The following TMTC2 variants were observed in gnomAD, a reference collection of about 807,000 sequenced individuals.
TMTC2 encodes the protein transmembrane O-mannosyltransferase targeting cadherins 2.
TMTC2 carries 43 observed loss-of-function variants against 82.4 expected under a neutral mutation model. The observed-to-expected ratio is 0.52, with a 90% confidence interval of 0.41 to 0.67. TMTC2 has a LOEUF of 0.67. TMTC2 is among the 30% of genes least tolerant of loss of function. TMTC2 has a pLI of 0.00. For missense variants in TMTC2, 919 were observed against 1,012.4 expected (o/e 0.91, Z 1.25); for synonymous variants, 408 against 381.9 (o/e 1.07, Z -0.80).
intron 1 of TMTC2, among the ~76,000 whole-genome samples, chr12:82,853,011 A>T (rs1044307428): frequency 6.6e-6 from 1 of 152,162 alleles, no homozygotes; most frequent in Non-Finnish European, 1.5e-5. Flanking sequence ...TGTTTTTCAC[A>T]TGGATGAGAT....
intron 1 of TMTC2, among the ~76,000 whole-genome samples, chr12:82,800,307 A>T (rs1278130615): frequency 6.6e-6 from 1 of 152,270 alleles, no homozygotes; most frequent in East Asian, 1.9e-4. Flanking sequence ...ATATTGGGAA[A>T]CAGGCCTATT....
intron 4 of TMTC2, among the ~76,000 whole-genome samples, chr12:82,940,098 G>A (rs1306616796): frequency 7.1e-6 from 1 of 140,778 alleles, no homozygotes; most frequent in Non-Finnish European, 1.5e-5. Flanking sequence ...TCGGCTCACA[G>A]CAACCTCCGC....
intron 3 of TMTC2, among the ~76,000 whole-genome samples, chr12:82,924,631 C>A (rs988522831): frequency 3.9e-5 from 6 of 152,114 alleles, no homozygotes; most frequent in Non-Finnish European, 8.8e-5. Context: ...CCTCAGTTAA[C>A]CTTGTTGATG....
At chr12:82,793,465 A>T (rs998226559) in intron 1 of TMTC2, among the ~76,000 whole-genome samples, 1 of 151,556 alleles carries the variant, frequency 6.6e-6, no homozygotes, top group African/African-American at 2.4e-5. Context: ...TTATTTAATT[A>T]ATGTTCATTG....
Position 83,099,512 on chromosome 12 carries a change from T to C in TMTC2, c.2332-32698T>C, listed in dbSNP as rs540177194. Among the ~76,000 whole-genome samples, 6 of 152,370 alleles carry C rather than the reference T, an allele frequency of 3.9e-5. No individual in the cohort carries two copies. The South Asian group carries it at 1.2e-3, about 32-fold the overall frequency. ...ATATATTTTACTTTTTCTTAGAGTT[T>C]AAATTTTTCCAGGATTAGGAAGGAA... On this transcript the variant is annotated intron_variant, in intron 11 of 11. Coordinates refer to ENST00000321196, the MANE Select transcript of TMTC2 (RefSeq NM_152588.3).
At chr12:82,946,881 A>G (rs1299397433) in intron 4 of TMTC2, among the ~76,000 whole-genome samples, 21 of 151,606 alleles carry the variant, frequency 1.4e-4, no homozygotes. Context: ...AGCTGGGACT[A>G]CAGGCGCCCG....
chr12:82,742,421 C>A lies in TMTC2; in HGVS notation c.83+54752C>A, dbSNP rs114409926. On this transcript the variant is annotated intron_variant, in intron 1 of 11. Coordinates refer to ENST00000321196, the MANE Select transcript of TMTC2 (RefSeq NM_152588.3). ...ATTATATGCCACCACTATATGGTAG[C>A]TAGGAACAGGTAGTAACTGTATAGT... Among the ~76,000 whole-genome samples, 173 of 151,642 alleles carry A rather than the reference C, an allele frequency of 1.1e-3. 4 individuals carry two copies. Among genetic ancestry groups the A allele is most frequent in the African/African-American group, 4.1e-3 (168 of 41,324 alleles).
chr12:83,095,086 C>G lies in TMTC2; in HGVS notation c.2331+33255C>G, dbSNP rs1434426. Reference sequence around the variant, plus strand: ...CATTAGTGCCAGTTGGGGAAGCTTACAAGGGAATTATTCAAGAGGTTGGAG... The same window carrying G: ...CATTAGTGCCAGTTGGGGAAGCTTAGAAGGGAATTATTCAAGAGGTTGGAG... On this transcript the variant is annotated intron_variant, in intron 11 of 11. Transcript: ENST00000321196. Among the ~76,000 whole-genome samples the G allele has an allele frequency of 4.3e-3, 659 of 152,114 alleles. 8 individuals are homozygous for G. The highest frequency in any genetic ancestry group is 0.014 in the African/African-American group (594 of 41,488).
intron 1 of TMTC2, among the ~76,000 whole-genome samples, chr12:82,829,844 G>C (rs182243301): frequency 2.4e-4 from 37 of 152,252 alleles, no homozygotes; most frequent in African/African-American, 8.9e-4. Flanking sequence ...GGGGTTGATA[G>C]GCAAGGATTA....
chr12:83,099,638 A>G (rs189934242), intron 11 of TMTC2, among the ~76,000 whole-genome samples: 3 of 152,276 alleles, frequency 2.0e-5, no homozygotes. Flanking sequence ...GCCTCCTGAG[A>G]AGAAGCCAAA....
rs184349625 is a variant in TMTC2, at chr12:83,011,071, G to T, written c.2071-19727G>T. 7.6e-4 allele frequency among the ~76,000 whole-genome samples: 116 copies of T among 152,308 alleles called. 2 individuals carry two copies. Among genetic ancestry groups the T allele is most frequent in the South Asian group, 1.7e-3 (8 of 4,822 alleles). On this transcript the variant is annotated intron_variant, in intron 8 of 11. Transcript: ENST00000321196. ...GGTGATCTTGAACTCCTGACCTCAG[G>T]TAATCCACCCACGTCGGCATCCCAA... is the stretch of plus-strand genomic sequence containing the variant.
intron 3 of TMTC2, among the ~76,000 whole-genome samples, chr12:82,898,163 T>C (rs1480941655): frequency 6.6e-6 from 1 of 152,212 alleles, no homozygotes; most frequent in African/African-American, 2.4e-5. Flanking sequence ...CTGCATAGCA[T>C]GTAATTTCTC....
At chr12:82,792,830 C>T (rs1430285661) in intron 1 of TMTC2, among the ~76,000 whole-genome samples, 2 of 151,952 alleles carry the variant, frequency 1.3e-5, no homozygotes, top group East Asian at 3.8e-4. Flanking sequence ...TGAATATTCT[C>T]ATATTCATCT....
At chr12:82,792,976 C>G (rs911365546) in intron 1 of TMTC2, among the ~76,000 whole-genome samples, 1 of 152,086 alleles carries the variant, frequency 6.6e-6, no homozygotes, top group Non-Finnish European at 1.5e-5. Flanking sequence ...GAAATTAATA[C>G]ATGTTGTCCA....
intron 1 of TMTC2, among the ~76,000 whole-genome samples, chr12:82,803,902 C>T (rs982691754): frequency 1.3e-5 from 2 of 152,018 alleles, no homozygotes; most frequent in African/African-American, 4.8e-5. Context: ...TAATAAACTT[C>T]CACTCCTACT....
At chr12:82,953,129 C>T (rs1044810359) in intron 4 of TMTC2, among the ~76,000 whole-genome samples, 20 of 152,140 alleles carry the variant, frequency 1.3e-4, no homozygotes, top group Non-Finnish European at 2.4e-4. Context: ...GGACTTCTGC[C>T]TTACAGCTAG....
rs374547443 is a variant in TMTC2, at chr12:83,037,121, A to G, written c.2152+6242A>G. On this transcript the variant is annotated intron_variant, in intron 9 of 11. Transcript: ENST00000321196. ...CATGAGCTTTGGTAGGAACAGGCAA[A>G]CCATATCCAAACCGTAGCAGATAGT... 5.9e-5 allele frequency among the ~76,000 whole-genome samples: 9 copies of G among 152,322 alleles called. No individual in the cohort carries two copies. In the East Asian group the frequency reaches 1.7e-3, roughly 29 times the overall value.
At chr12:82,906,010 A>T (rs1468730334) in intron 3 of TMTC2, among the ~76,000 whole-genome samples, 1 of 151,998 alleles carries the variant, frequency 6.6e-6, no homozygotes, top group African/African-American at 2.4e-5. Context: ...GCAGCGTCTG[A>T]CAATTTTTTT....
chr12:82,956,966 TAGAC>T (rs973186548), intron 4 of TMTC2, among the ~76,000 whole-genome samples: 34 of 152,234 alleles, frequency 2.2e-4, no homozygotes, highest in African/African-American at 7.5e-4. Context: ...CTGACAATGT[TAGAC>T]AGATCATTGA....
Sources: gnomAD v4.1 joint callset for allele counts (sites outside exome capture counted in the v4.1 genomes callset) on GRCh38, gnomAD v4.1.1 for gene constraint, MANE v1.5 for transcripts, NCBI Gene and HGNC (gene_info 2026-07-23, HGNC 2026-07-21) for gene names.